Variants in DDI2 observed in about 807,000 individuals in gnomAD.
DDI2 encodes protein DDI1 homolog 2.
In DDI2, 5 loss-of-function variants were observed where a neutral mutation model predicts 48.1. The observed-to-expected ratio is 0.10, with a 90% CI of 0.05 to 0.22. The LOEUF is 0.22. DDI2 is among the 10% of genes least tolerant of loss of function. DDI2 has a pLI of 1.00. For synonymous variants in DDI2, 205 were observed against 183.6 expected, an observed-to-expected ratio of 1.12 and a Z score of -0.94; for missense variants, 285 against 506.2, an observed-to-expected ratio of 0.56 and a Z score of 4.19.
At chr1:15,649,649 C>T (rs1332622056) in intron 6 of DDI2, 71 bp from the exon 7 acceptor site, 15 of 1,491,728 alleles carry the variant, frequency 1.0e-5, no homozygotes, top group Non-Finnish European at 1.4e-5. Context: ...CCAGCCTGGG[C>T]AACAAGAGCG....
At chr1:15,644,587 G>GTTTTTTTTTTTTTTT (rs138470671) in intron 6 of DDI2, among the ~76,000 whole-genome samples, 7 of 57,804 alleles carry the variant, frequency 1.2e-4, no homozygotes, top group Admixed American at 4.9e-4. Context: ...AGTTTTTTTT[G>GTTTTTTTTTTTTTTT]TTTTTTTTTT....
Position 15,662,700 on chromosome 1 carries a change from C to T in DDI2, c.*2910C>T, listed in dbSNP as rs959389779. 1 of 152,212 alleles carries T rather than the reference C, an allele frequency of 6.6e-6. No individual in the cohort carries two copies. Among genetic ancestry groups the T allele is most frequent in the African/African-American group, 2.4e-5 (1 of 41,446 alleles). 9.4% of individuals were successfully genotyped at this position (152,212 alleles called of 1,614,324 possible). ...CTCTTCTGCCAGGAAGTTCTTCAAA[C>T]GCTCAGTGTGAGCTGTGATCTGAGT... On this transcript the variant is annotated 3_prime_UTR_variant, in exon 10 of 10. Transcript: ENST00000480945.
chr1:15,653,859 G>T (rs1018277368), intron 8 of DDI2, among the ~76,000 whole-genome samples: 2 of 152,108 alleles, frequency 1.3e-5, no homozygotes, highest in Non-Finnish European at 2.9e-5. Flanking sequence ...TTGTCATCAG[G>T]CCATATTAGC....
intron 8 of DDI2, 57 bp downstream of exon 8, chr1:15,651,952 T>TGTGGGCTTCAGAAGGG (rs1344671819): frequency 6.5e-7 from 1 of 1,544,306 alleles, no homozygotes. Flanking sequence ...GCCCGGGAAG[T>TGTGGGCTTCAGAAGGG]GTGGGCTTCA....
At position 15,667,260 on chromosome 1, in the gene DDI2, A is replaced by C. The variant is rs1640468016; in HGVS notation, c.*7470A>C. The C allele has an allele frequency of 6.6e-6, 1 of 152,180 alleles. No homozygotes were observed. The highest frequency in any genetic ancestry group is 1.9e-4 in the East Asian group (1 of 5,202). The allele number at this position is 152,180 out of a possible 1,614,324, so 9.4% of individuals were successfully genotyped here. On this transcript the variant is annotated 3_prime_UTR_variant, in exon 10 of 10. Coordinates refer to ENST00000480945, the MANE Select transcript of DDI2 (RefSeq NM_032341.5). ...ATCAGAGAAACCAACAAAATATGTA[A>C]CATGTATAAATGCCTGAGGAGATCA...
chr1:15,644,881 C>T (rs1486725054), intron 6 of DDI2, among the ~76,000 whole-genome samples: 1 of 150,828 alleles, frequency 6.6e-6, no homozygotes, highest in African/African-American at 2.4e-5. Flanking sequence ...GCGTGAGCCA[C>T]CGCTCCCGGC....
chr1:15,641,052 G>A (rs1287004993), intron 5 of DDI2, among the ~76,000 whole-genome samples: 1 of 152,208 alleles, frequency 6.6e-6, no homozygotes, highest in Non-Finnish European at 1.5e-5. Context: ...TGTACGGCTG[G>A]AAAGAAATGG....
chr1:15,630,815 C>T (rs1639831599), intron 3 of DDI2, among the ~76,000 whole-genome samples: 1 of 152,124 alleles, frequency 6.6e-6, no homozygotes, highest in South Asian at 2.1e-4. Flanking sequence ...TTTTTGGCAG[C>T]AGATAACCTA....
Position 15,667,338 on chromosome 1 carries a change from A to T in DDI2, c.*7548A>T, listed in dbSNP as rs1431000142. 6.6e-6 allele frequency: 1 copy of T among 152,268 alleles called. No individual in the cohort carries two copies. Among genetic ancestry groups the T allele is most frequent in the Non-Finnish European group, 1.5e-5 (1 of 68,080 alleles). The allele number at this position is 152,268 out of a possible 1,614,324, so 9.4% of individuals were successfully genotyped here. ...GGAGGAGAGGGGATGGCCAGGAAAG[A>T]AGTGCAACAAATAAATGGAAGATGA... On this transcript the variant is annotated 3_prime_UTR_variant, in exon 10 of 10. Coordinates refer to ENST00000480945, the MANE Select transcript of DDI2 (RefSeq NM_032341.5).
chr1:15,627,317 G>A (rs1639773742), intron 2 of DDI2, among the ~76,000 whole-genome samples: 1 of 152,088 alleles, frequency 6.6e-6, no homozygotes, highest in Admixed American at 6.6e-5. Flanking sequence ...GATTTTAAAT[G>A]GTGTCTTTAA....
chr1:15,661,832 C>G lies in DDI2; in HGVS notation c.*2042C>G, dbSNP rs1433116184. 9.9e-6 allele frequency: 13 copies of G among 1,315,078 alleles called. No homozygotes were observed. Among genetic ancestry groups the G allele is most frequent in the Middle Eastern group, 2.6e-4 (1 of 3,778 alleles). 81.5% of individuals were successfully genotyped at this position (1,315,078 alleles called of 1,614,324 possible). Reference sequence around the variant, plus strand: ...CCACATATACAGTATATATAGAAACCTGCAAGCAGAATGTTGAGCCAGATT... The same window carrying G: ...CCACATATACAGTATATATAGAAACGTGCAAGCAGAATGTTGAGCCAGATT... On this transcript the variant is annotated 3_prime_UTR_variant, in exon 10 of 10. Transcript: ENST00000480945.
At chr1:15,639,787 G>T (rs1639979146) in intron 5 of DDI2, among the ~76,000 whole-genome samples, 1 of 151,986 alleles carries the variant, frequency 6.6e-6, no homozygotes, top group Non-Finnish European at 1.5e-5. Flanking sequence ...TGGGAGAATT[G>T]CTTGAGCCCA....
At chr1:15,621,028 ATAG>A (rs1354328268) in intron 1 of DDI2, among the ~76,000 whole-genome samples, 1 of 152,160 alleles carries the variant, frequency 6.6e-6, no homozygotes, top group East Asian at 1.9e-4. Context: ...TAGTCTGATG[ATAG>A]TAGTTACAAT....
chr1:15,636,200 T>C (rs1284371345), intron 4 of DDI2, among the ~76,000 whole-genome samples: 1 of 152,138 alleles, frequency 6.6e-6, no homozygotes, highest in Non-Finnish European at 1.5e-5. Flanking sequence ...GGCACGATCA[T>C]GGCTCATAGC....
At chr1:15,623,387 C>CTT (rs777821777) in intron 1 of DDI2, among the ~76,000 whole-genome samples, 11,542 of 107,356 alleles carry the variant, frequency 0.11, 992 homozygotes, top group African/African-American at 0.23. Flanking sequence ...TTTTCTTCTT[C>CTT]TTTTTTTTTT....
chr1:15,659,637 A>G (rs1039398934), intron 9 of DDI2, among the ~76,000 whole-genome samples, 200 bp from the exon 10 acceptor site: 1 of 152,228 alleles, frequency 6.6e-6, no homozygotes, highest in Non-Finnish European at 1.5e-5. Context: ...TATTAAGAAC[A>G]TGTCTACCTC....
rs1259893879 is a variant in DDI2 at position 15,667,965 on chromosome 1, T to C, written c.*8175T>C. On this transcript the variant is annotated 3_prime_UTR_variant, in exon 10 of 10. Transcript: ENST00000480945. ...CATGGGGGTTAGAGAATGTTTCTTT[T>C]ACCTAAAAATGTTAAGCCAACTATG... The C allele has an allele frequency of 3.9e-5, 6 of 152,174 alleles. No homozygotes were observed. Among genetic ancestry groups the C allele is most frequent in the African/African-American group, 1.4e-4 (6 of 41,430 alleles). 9.4% of individuals were successfully genotyped at this position (152,174 alleles called of 1,614,324 possible).
chr1:15,633,404 G>T, intron 3 of DDI2, 35 bp from the exon 4 acceptor site: 1 of 1,605,754 alleles, frequency 6.2e-7, no homozygotes, highest in South Asian at 1.1e-5. Context: ...TGAAAATATA[G>T]TGATATTTAA....
intron 1 of DDI2, among the ~76,000 whole-genome samples, chr1:15,621,888 A>G (rs374211535): frequency 1.3e-5 from 2 of 152,232 alleles, no homozygotes; most frequent in African/African-American, 2.4e-5. Context: ...TTGCCAGATC[A>G]AAAGCATAAA....
Sources: gnomAD v4.1 joint callset for allele counts (sites outside exome capture counted in the v4.1 genomes callset) on GRCh38, gnomAD v4.1.1 for gene constraint, MANE v1.5 for transcripts, NCBI Gene and HGNC (gene_info 2026-07-23, HGNC 2026-07-21) for gene names.